CLSTN2: variants seen among roughly 807,000 people sequenced by gnomAD.
CLSTN2 encodes the protein calsyntenin 2.
CLSTN2 carries 48 observed loss-of-function variants against 101.2 expected under a neutral mutation model. That is an observed-to-expected ratio of 0.47 (90% CI 0.38 to 0.60). The LOEUF (loss-of-function observed/expected upper bound fraction) is 0.60, where lower values mean the gene tolerates loss of function less well. Ranked by LOEUF, CLSTN2 falls within the 20% of genes least tolerant of loss-of-function variation. The pLI, the probability that CLSTN2 is intolerant of heterozygous loss-of-function variation, is 0.00. For synonymous variants in CLSTN2, 481 were observed against 463.6 expected (o/e 1.04, Z -0.48); for missense variants, 1,160 against 1,238.2 (o/e 0.94, Z 0.95).
rs543716277 is a variant in CLSTN2 at position 140,428,588 on chromosome 3, C to T, written c.787+7314C>T. 3.9e-5 allele frequency among the ~76,000 whole-genome samples: 6 copies of T among 152,294 alleles called. No homozygotes were observed. In the South Asian group the frequency reaches 6.2e-4, roughly 16 times the overall value. On this transcript the variant is annotated intron_variant, in intron 5 of 16. Coordinates refer to ENST00000458420, the MANE Select transcript of CLSTN2 (RefSeq NM_022131.3). ...CCCTTCTTTGTCTGCTCACCTCATC[C>T]GTGAGTGTGATCCCATGGCAGCTAA...
intron 2 of CLSTN2, among the ~76,000 whole-genome samples, chr3:140,338,922 C>T (rs1576522283): frequency 1.3e-5 from 2 of 152,302 alleles, no homozygotes; most frequent in South Asian, 4.1e-4. Flanking sequence ...GCTTTATGGG[C>T]TGTTATCTAA....
At chr3:140,465,080 G>A (rs1206281201) in intron 7 of CLSTN2, among the ~76,000 whole-genome samples, 1 of 152,180 alleles carries the variant, frequency 6.6e-6, no homozygotes, top group East Asian at 1.9e-4. Flanking sequence ...GCTTTCAGCT[G>A]CAAGGAGTGG....
intron 2 of CLSTN2, among the ~76,000 whole-genome samples, chr3:140,187,280 G>A (rs955762677): frequency 2.6e-5 from 4 of 152,092 alleles, no homozygotes; most frequent in Admixed American, 2.6e-4. Flanking sequence ...ATACCACTGG[G>A]GTGTATGCTC....
rs543359435 is a variant in CLSTN2 at position 140,055,680 on chromosome 3, C to G, written c.109+120197C>G. On this transcript the variant is annotated intron_variant, in intron 1 of 16. Coordinates refer to ENST00000458420, the MANE Select transcript of CLSTN2 (RefSeq NM_022131.3). ...GTGCTCAGTAAATGTTTCCTTTTTC[C>G]TTCTGTCTCCTTGAACAACAACAAC... 1.5e-3 allele frequency among the ~76,000 whole-genome samples: 231 copies of G among 152,234 alleles called. 1 individual carries two copies. The highest frequency in any genetic ancestry group is 6.9e-3 in the South Asian group (33 of 4,816).
At chr3:140,120,730 C>G (rs2009327099) in intron 1 of CLSTN2, among the ~76,000 whole-genome samples, 1 of 152,200 alleles carries the variant, frequency 6.6e-6, no homozygotes, top group Non-Finnish European at 1.5e-5. Context: ...GTCTGTCTGT[C>G]TGTCTGTCTG....
rs144812473 is a variant in CLSTN2, at chr3:140,046,675, G to T, written c.109+111192G>T. ...ACCGGTTGTTCCTTTCCATGTTTAG[G>T]GCTTCCTTCAGGAGCTCTTGTAGGG... On this transcript the variant is annotated intron_variant, in intron 1 of 16. Coordinates refer to ENST00000458420, the MANE Select transcript of CLSTN2 (RefSeq NM_022131.3). Among the ~76,000 whole-genome samples, 1,409 of 152,162 alleles carry T rather than the reference G, an allele frequency of 9.3e-3. 25 individuals are homozygous for T. Among genetic ancestry groups the T allele is most frequent in the African/African-American group, 0.031 (1,274 of 41,490 alleles).
At chr3:140,423,129 T>G (rs1242132580) in intron 5 of CLSTN2, among the ~76,000 whole-genome samples, 1 of 152,254 alleles carries the variant, frequency 6.6e-6, no homozygotes, top group Admixed American at 6.5e-5. Flanking sequence ...ATGAGGCACC[T>G]ACAGATGTGT....
At chr3:140,559,636 T>C (rs1935870487) in intron 12 of CLSTN2, among the ~76,000 whole-genome samples, 1 of 151,938 alleles carries the variant, frequency 6.6e-6, no homozygotes, top group Non-Finnish European at 1.5e-5. Flanking sequence ...CTTTTGTTAC[T>C]CCGAGGGACG....
chr3:140,439,347 G>A (rs1045294197), intron 5 of CLSTN2, among the ~76,000 whole-genome samples: 2 of 152,238 alleles, frequency 1.3e-5, no homozygotes, highest in Non-Finnish European at 2.9e-5. Flanking sequence ...GCTGCCTGCA[G>A]TTTCCCAGTT....
intron 1 of CLSTN2, among the ~76,000 whole-genome samples, chr3:140,143,988 C>T (rs1414041049): frequency 2.0e-5 from 3 of 152,146 alleles, no homozygotes; most frequent in Non-Finnish European, 4.4e-5. Context: ...GAATGTGCTC[C>T]CCAGTGCTCT....
chr3:140,392,832 T>TA (rs1329995463), intron 2 of CLSTN2, among the ~76,000 whole-genome samples: 22 of 151,020 alleles, frequency 1.5e-4, no homozygotes, highest in East Asian at 7.8e-4. Context: ...TAATTTTTTT[T>TA]AAAAAAAAAG....
intron 5 of CLSTN2, among the ~76,000 whole-genome samples, chr3:140,438,944 C>T (rs2088715564): frequency 6.6e-6 from 1 of 152,186 alleles, no homozygotes; most frequent in Non-Finnish European, 1.5e-5. Flanking sequence ...TGGGTCCAGG[C>T]TTCTGAACAC....
chr3:140,083,510 C>G (rs1476678722), intron 1 of CLSTN2, among the ~76,000 whole-genome samples: 1 of 152,226 alleles, frequency 6.6e-6, no homozygotes, highest in African/African-American at 2.4e-5. Flanking sequence ...GCAGCAAGTT[C>G]TGGCAATTGA....
At chr3:140,542,124 A>G (rs991338724) in intron 9 of CLSTN2, among the ~76,000 whole-genome samples, 5 of 152,190 alleles carry the variant, frequency 3.3e-5, no homozygotes, top group Admixed American at 1.3e-4. Context: ...CTAACAAATG[A>G]TGGTTATTTT....
chr3:140,139,796 T>C (rs1281652734), intron 1 of CLSTN2, among the ~76,000 whole-genome samples: 1 of 152,232 alleles, frequency 6.6e-6, no homozygotes, highest in Non-Finnish European at 1.5e-5. Flanking sequence ...AGATGTGTTT[T>C]TGGCTTATAC....
intron 2 of CLSTN2, among the ~76,000 whole-genome samples, chr3:140,275,984 G>T (rs2086791355): frequency 6.6e-6 from 1 of 152,140 alleles, no homozygotes; most frequent in African/African-American, 2.4e-5. Context: ...GCAGTGACCA[G>T]GTGACTAGCA....
At chr3:140,042,769 T>A (rs1051144028) in intron 1 of CLSTN2, among the ~76,000 whole-genome samples, 1 of 152,060 alleles carries the variant, frequency 6.6e-6, no homozygotes, top group African/African-American at 2.4e-5. Flanking sequence ...TGAGAACATG[T>A]GGTGTTTGGT....
chr3:140,445,274 T>C (rs1933050556), intron 5 of CLSTN2, among the ~76,000 whole-genome samples: 1 of 152,228 alleles, frequency 6.6e-6, no homozygotes. Flanking sequence ...GCTTGTTTAT[T>C]TGAACTCCTT....
At chr3:139,960,121 G>A (rs1422514942) in intron 1 of CLSTN2, among the ~76,000 whole-genome samples, 1 of 152,174 alleles carries the variant, frequency 6.6e-6, no homozygotes, top group South Asian at 2.1e-4. Flanking sequence ...AGAGGGAAGG[G>A]AAAGCCCTCT....
Sources: gnomAD v4.1 joint callset for allele counts (sites outside exome capture counted in the v4.1 genomes callset) on GRCh38, gnomAD v4.1.1 for gene constraint, MANE v1.5 for transcripts, NCBI Gene and HGNC (gene_info 2026-07-23, HGNC 2026-07-21) for gene names.